Variants in VEGFC observed in about 807,000 individuals in gnomAD.
VEGFC encodes the protein vascular endothelial growth factor C.
A neutral mutation model predicts 46.1 loss-of-function variants in VEGFC; 12 were observed. The observed-to-expected ratio is 0.26, with a 90% CI of 0.17 to 0.42. The LOEUF is 0.42. Among genes scored for constraint, VEGFC ranks in the 10% least tolerant of loss-of-function variants. VEGFC has a pLI of 1.00. For synonymous variants in VEGFC, 232 were observed against 195.5 expected, an observed-to-expected ratio of 1.19 and a Z score of -1.56; for missense variants, 488 against 529.4, an observed-to-expected ratio of 0.92 and a Z score of 0.77.
At chr4:176,740,009 ATAAC>A (rs1187845280) in intron 1 of VEGFC, among the ~76,000 whole-genome samples, 3 of 99,130 alleles carry the variant, frequency 3.0e-5, no homozygotes, top group African/African-American at 6.7e-5. Context: ...TCGAATATAT[ATAAC>A]TATATATTCG....
chr4:176,697,868 A>T (rs1195947250), intron 4 of VEGFC, among the ~76,000 whole-genome samples: 2 of 150,406 alleles, frequency 1.3e-5, no homozygotes, highest in African/African-American at 4.9e-5. Flanking sequence ...CATCATTCTC[A>T]GTAAACTATC....
intron 6 of VEGFC, among the ~76,000 whole-genome samples, chr4:176,684,485 T>C (rs1734002482): frequency 6.6e-6 from 1 of 152,136 alleles, no homozygotes; most frequent in African/African-American, 2.4e-5. Context: ...TGGTCCTCAG[T>C]GAGCAGCCCC....
In VEGFC at chr4:176,743,585, T is replaced by C. The variant is rs73872169; in HGVS notation, c.148-13839A>G. ...TAAAACAATATATTATACCGATATA[T>C]AAATATATAAATTATGAAATATATA... is the stretch of plus-strand genomic sequence containing the variant. On this transcript the variant is annotated intron_variant, in intron 1 of 6. Coordinates refer to ENST00000618562, the MANE Select transcript of VEGFC (RefSeq NM_005429.5). Among the ~76,000 whole-genome samples the C allele has an allele frequency of 3.6e-3, 537 of 149,818 alleles. 4 individuals carry two copies. Among genetic ancestry groups the C allele is most frequent in the African/African-American group, 0.012 (506 of 41,094 alleles).
chr4:176,767,800 T>C (rs1327633497), intron 1 of VEGFC, among the ~76,000 whole-genome samples: 1 of 152,204 alleles, frequency 6.6e-6, no homozygotes, highest in Non-Finnish European at 1.5e-5. Context: ...AAAAGGATTC[T>C]TCTTTCTGCT....
At chr4:176,754,967 C>G (rs1735407351) in intron 1 of VEGFC, among the ~76,000 whole-genome samples, 1 of 152,018 alleles carries the variant, frequency 6.6e-6, no homozygotes, top group African/African-American at 2.4e-5. Context: ...GTCACAGGGT[C>G]TGCACCAACA....
chr4:176,777,112 G>C (rs1412657241), intron 1 of VEGFC, among the ~76,000 whole-genome samples: 5 of 151,994 alleles, frequency 3.3e-5, no homozygotes, highest in Non-Finnish European at 7.4e-5. Context: ...AGGAGATCCA[G>C]ACCATCCTGG....
At chr4:176,704,069 T>C (rs1734480716) in intron 4 of VEGFC, among the ~76,000 whole-genome samples, 1 of 152,150 alleles carries the variant, frequency 6.6e-6, no homozygotes, top group African/African-American at 2.4e-5. Context: ...TTCTTGAACC[T>C]TTCTAATATT....
chr4:176,729,862 T>C, intron 1 of VEGFC, 116 bp from the exon 2 acceptor site: 1 of 556,398 alleles, frequency 1.8e-6, no homozygotes, highest in Non-Finnish European at 2.7e-6. Context: ...ACACAAATAT[T>C]ATTAATTACT....
intron 3 of VEGFC, among the ~76,000 whole-genome samples, chr4:176,718,766 T>C (rs549886982): frequency 6.6e-6 from 1 of 152,286 alleles, no homozygotes; most frequent in East Asian, 1.9e-4. Context: ...TATTCTTTCC[T>C]AGATTTAGTA....
intron 1 of VEGFC, among the ~76,000 whole-genome samples, chr4:176,784,365 T>C (rs1257153352): frequency 1.3e-5 from 2 of 151,782 alleles, no homozygotes; most frequent in Non-Finnish European, 2.9e-5. Flanking sequence ...CCACCACACC[T>C]GGCCTATATA....
chr4:176,696,629 A>G (rs1454463951), intron 4 of VEGFC, among the ~76,000 whole-genome samples: 2 of 151,340 alleles, frequency 1.3e-5, no homozygotes, highest in East Asian at 3.9e-4. Flanking sequence ...AACTGGAAAA[A>G]ACTACTTTAA....
chr4:176,693,083 A>G (rs1393853285), intron 4 of VEGFC, among the ~76,000 whole-genome samples: 1 of 152,118 alleles, frequency 6.6e-6, no homozygotes, highest in Non-Finnish European at 1.5e-5. Context: ...TCCTCCTCCA[A>G]AGAAACACAG....
intron 1 of VEGFC, among the ~76,000 whole-genome samples, chr4:176,784,063 G>GT (rs66870525): frequency 0.088 from 4,051 of 45,862 alleles, 258 homozygotes; most frequent in African/African-American, 0.12. Flanking sequence ...TGCACATGCT[G>GT]TTTTTTTTTT....
At chr4:176,748,502 T>C (rs1368124480) in intron 1 of VEGFC, among the ~76,000 whole-genome samples, 1 of 151,330 alleles carries the variant, frequency 6.6e-6, no homozygotes, top group Non-Finnish European at 1.5e-5. Flanking sequence ...GTATACAGCA[T>C]AAATATAGAA....
At chr4:176,700,739 T>C in intron 4 of VEGFC, among the ~76,000 whole-genome samples, 1 of 152,172 alleles carries the variant, frequency 6.6e-6, no homozygotes, top group East Asian at 1.9e-4. Flanking sequence ...GGTTATTGGA[T>C]TTATCAGCTT....
Position 176,716,613 on chromosome 4 carries a change from GA to G in VEGFC, c.553-4964del, listed in dbSNP as rs1040737745. ...AAAAAAAAAAAAAAAAAAAGAAAAA[GA>G]AAAAAAAAGAGACCTCACGGTGAGG... On this transcript the variant is annotated intron_variant, in intron 3 of 6. Coordinates refer to ENST00000618562, the MANE Select transcript of VEGFC (RefSeq NM_005429.5). 8.7e-4 allele frequency among the ~76,000 whole-genome samples: 105 copies of G among 120,762 alleles called. 1 individual carries two copies. The East Asian group carries it at 0.019, about 22-fold the overall frequency. 79.2% of individuals were successfully genotyped at this position (120,762 alleles called of 152,430 possible).
intron 1 of VEGFC, among the ~76,000 whole-genome samples, chr4:176,749,967 A>G (rs1246872427): frequency 6.6e-6 from 1 of 151,770 alleles, no homozygotes; most frequent in African/African-American, 2.4e-5. Flanking sequence ...TGAAAATTAC[A>G]GTGTAAACAT....
At chr4:176,689,835 T>C (rs1734117033) in intron 4 of VEGFC, among the ~76,000 whole-genome samples, 1 of 152,238 alleles carries the variant, frequency 6.6e-6, no homozygotes, top group South Asian at 2.1e-4. Context: ...ACATCAATAA[T>C]TGCTGATTAG....
intron 4 of VEGFC, 65 bp downstream of exon 4, chr4:176,711,434 G>A (rs1310496257): frequency 1.3e-6 from 2 of 1,504,194 alleles, no homozygotes; most frequent in Non-Finnish European, 1.8e-6. Flanking sequence ...TTTAACTTAT[G>A]TTTACTTGAA....
Sources: allele counts gnomAD v4.1 joint callset (sites outside exome capture counted in the v4.1 genomes callset), GRCh38; gene constraint gnomAD v4.1.1; transcripts MANE v1.5; gene names NCBI Gene and HGNC (gene_info 2026-07-23, HGNC 2026-07-21).